LAMB3: variants seen among roughly 807,000 people sequenced by gnomAD.
The protein encoded by LAMB3 is laminin subunit beta 3.
In LAMB3, 104 loss-of-function variants were observed where a neutral mutation model predicts 140.3. That is an observed-to-expected ratio of 0.74 (90% confidence interval 0.63 to 0.87). The LOEUF (loss-of-function observed/expected upper bound fraction) is 0.87, where lower values mean the gene tolerates loss of function less well. Among genes scored for constraint, LAMB3 ranks in the 40% least tolerant of loss-of-function variants. The pLI, the probability that LAMB3 is intolerant of heterozygous loss-of-function variation, is 0.00. For missense variants in LAMB3, 1,531 were observed against 1,575.2 expected, an observed-to-expected ratio of 0.97 and a Z score of 0.47; for synonymous variants, 592 against 602.9, an observed-to-expected ratio of 0.98 and a Z score of 0.26.
chr1:209,621,520 G>C (rs1347153413), intron 18 of LAMB3, among the ~76,000 whole-genome samples: 2 of 152,238 alleles, frequency 1.3e-5, no homozygotes, highest in East Asian at 3.9e-4. Context: ...GTATTAACTG[G>C]GCTCCCAGCC....
rs1422291163 is a variant in LAMB3, at chr1:209,623,949, C to G, written c.2028G>C (p.Leu676Phe). The G allele has an allele frequency of 6.2e-7, 1 of 1,614,048 alleles. No individual in the cohort carries two copies. The highest frequency in any genetic ancestry group is 8.5e-7 in the Non-Finnish European group (1 of 1,180,044). ...QLDLPLEEET[L>F]SLPRDLESLD... ...GACTCTCCAGGTCTCTCGGAAGGGA[C>G]AACGTCTCCTCCTCCAGGGGCAGAT... Residue 676 changes from leucine to phenylalanine, a missense_variant, in exon 15 of 23, where the codon TTG becomes TTC. By Grantham distance (22) the Leu-to-Phe change is conservative. Transcript: ENST00000356082. This position sits in a 1 kb window ranked among gnomAD's most constrained non-coding sequence, Gnocchi z 4.2.
At position 209,618,062 on chromosome 1, in the gene LAMB3, G is replaced by A. The variant is rs1666045636; in HGVS notation, c.2910-14C>T. 6.2e-7 allele frequency: 1 copy of A among 1,614,124 alleles called. No homozygotes were observed. The highest frequency in any genetic ancestry group is 1.3e-5 in the African/African-American group (1 of 75,040). On this transcript the variant is annotated splice_polypyrimidine_tract_variant and intron_variant, in intron 19 of 22. Coordinates refer to ENST00000356082, the MANE Select transcript of LAMB3 (RefSeq NM_000228.3). ...TGGGCTCGGCTCCTGGGTGAGAGAA[G>A]CAGCAGGGAGAGGAGAGAGAGAATG... is the stretch of plus-strand genomic sequence containing the variant.
intron 22 of LAMB3, 125 bp from the exon 23 acceptor site, chr1:209,615,532 C>G (rs2102402120): frequency 1.7e-6 from 2 of 1,193,250 alleles, no homozygotes; most frequent in Middle Eastern, 3.0e-4. Flanking sequence ...CCAGAAAAAT[C>G]TGGCCTCTAA....
intron 5 of LAMB3, among the ~76,000 whole-genome samples, chr1:209,635,232 C>T (rs1347496588): frequency 3.9e-5 from 6 of 152,144 alleles, no homozygotes; most frequent in African/African-American, 9.7e-5. Context: ...CCTGGAACTG[C>T]AGGTCTATAA....
Position 209,623,344 on chromosome 1 carries a change from A to C in LAMB3, c.2358+161T>G. 2 of 1,016,378 alleles carry C rather than the reference A, an allele frequency of 2.0e-6. No homozygotes were observed. Among genetic ancestry groups the C allele is most frequent in the South Asian group, 1.3e-5 (1 of 74,150 alleles). The allele number at this position is 1,016,378 out of a possible 1,614,324, so 63.0% of individuals were successfully genotyped here. A position where few individuals can be genotyped will look rare whatever the true frequency, so the allele number is the denominator to read the frequency against. On this transcript the variant is annotated intron_variant, in intron 16 of 22. Transcript: ENST00000356082. The surrounding 1 kb of genome is among the most constrained non-coding windows in gnomAD (Gnocchi z 4.2). ...AGGACCAGAAACTGGTTTCCTTGGCAACCACTGAGCTCACAGTGAGCAGTA... is the reference window on the plus strand; with the variant it reads ...AGGACCAGAAACTGGTTTCCTTGGCCACCACTGAGCTCACAGTGAGCAGTA...
Position 209,622,435 on chromosome 1 carries a change from C to T in LAMB3, c.2701+101G>A, listed in dbSNP as rs532308887. Reference sequence around the variant, plus strand: ...GAAGTGGAGGCCTGGATGTTGCAGGCCTGGGACTAGGGAGGGAGGGCTGGC... The same window carrying T: ...GAAGTGGAGGCCTGGATGTTGCAGGTCTGGGACTAGGGAGGGAGGGCTGGC... On this transcript the variant is annotated intron_variant, in intron 18 of 22. Transcript: ENST00000356082. 3.2e-5 allele frequency: 46 copies of T among 1,419,340 alleles called. No individual in the cohort carries two copies. In the East Asian group the frequency reaches 9.6e-4, roughly 30 times the overall value. The allele number at this position is 1,419,340 out of a possible 1,614,324, so 87.9% of individuals were successfully genotyped here.
Position 209,618,479 on chromosome 1 carries a change from C to T in LAMB3, c.2882G>A (p.Arg961Gln), listed in dbSNP as rs533449267. 1.4e-5 allele frequency: 23 copies of T among 1,614,164 alleles called. No homozygotes were observed. The highest frequency in any genetic ancestry group is 6.6e-5 in the South Asian group (6 of 91,082). The change falls in exon 19 of 23, where the codon CGG becomes CAG. Residue 961 changes from arginine (R) to glutamine (Q), a missense_variant. Physicochemically the swap from Arg to Gln is conservative, Grantham distance 43 (BLOSUM62 1). Transcript: ENST00000356082. Reference protein sequence around the residue: ...QTKQDIARARRLQAEAEEARS... With the variant: ...QTKQDIARARQLQAEAEEARS... ...GGCTTCCTCAGCCTCAGCCTGCAAC[C>T]GGCGGGCACGCGCAATGTCCTGCTT...
At chr1:209,630,943 G>T (rs1052799628) in intron 8 of LAMB3, among the ~76,000 whole-genome samples, 2 of 152,230 alleles carry the variant, frequency 1.3e-5, no homozygotes, top group African/African-American at 2.4e-5. Flanking sequence ...GCATGTGTGT[G>T]TGTGCACGTG....
In LAMB3 at chr1:209,616,582, G is replaced by C; in HGVS notation, c.3271C>G (p.Arg1091Gly). 5 of 1,614,104 alleles carry C rather than the reference G, an allele frequency of 3.1e-6. No individual in the cohort carries two copies. The highest frequency in any genetic ancestry group is 4.2e-6 in the Non-Finnish European group (5 of 1,179,986). ...IKQKYAELKD[R>G]LGQSSMLGEQ... ...CCCAGCATGGAACTCTGACCCAACC[G>C]GTCCTTCAACTCAGCATACTTTTGT... Residue 1091 changes from arginine to glycine, a missense_variant, in exon 22 of 23, where the codon CGG (arginine) becomes GGG (glycine). Physicochemically the swap from Arg to Gly is moderately radical, Grantham distance 125. Coordinates refer to ENST00000356082, the MANE Select transcript of LAMB3 (RefSeq NM_000228.3).
chr1:209,650,888 G>C, intron 2 of LAMB3, 29 bp downstream of exon 2: 1 of 1,611,852 alleles, frequency 6.2e-7, no homozygotes, highest in Admixed American at 1.7e-5. Flanking sequence ...CATATAACAG[G>C]GCCTGGAAGG....
chr1:209,632,814 A>C (rs920940531), intron 7 of LAMB3, 38 bp from the exon 8 acceptor site: 14 of 1,594,436 alleles, frequency 8.8e-6, no homozygotes, highest in Non-Finnish European at 1.1e-5. Flanking sequence ...AGAGTTGGAG[A>C]ATGGAAAATA....
intron 3 of LAMB3, among the ~76,000 whole-genome samples, chr1:209,641,959 G>A (rs921578292): frequency 1.1e-4 from 16 of 152,222 alleles, no homozygotes; most frequent in African/African-American, 3.4e-4. Flanking sequence ...CCTTCCGGCC[G>A]CCTGTCACCA....
At chr1:209,622,785 G>A in intron 17 of LAMB3, 105 bp from the exon 18 acceptor site, 2 of 1,509,008 alleles carry the variant, frequency 1.3e-6, no homozygotes, top group East Asian at 2.3e-5. Flanking sequence ...TACCTAGGAA[G>A]CATTTGTAAC....
chr1:209,633,969 G>A (rs1336161568), intron 6 of LAMB3, among the ~76,000 whole-genome samples: 2 of 152,196 alleles, frequency 1.3e-5, no homozygotes, highest in South Asian at 2.1e-4. Flanking sequence ...AGGAGAATTC[G>A]GGCTCTGGGT....
chr1:209,644,027 T>C (rs2076494203), intron 3 of LAMB3, among the ~76,000 whole-genome samples: 2 of 152,178 alleles, frequency 1.3e-5, no homozygotes, highest in Admixed American at 1.3e-4. Flanking sequence ...ATTCCCCAGA[T>C]GCTATCCTGG....
At chr1:209,635,385 G>GTTTT (rs1483313603) in intron 5 of LAMB3, among the ~76,000 whole-genome samples, 1 of 148,340 alleles carries the variant, frequency 6.7e-6, no homozygotes, top group African/African-American at 2.6e-5. Flanking sequence ...CATATCTTCT[G>GTTTT]TTTTTTGTTT....
At chr1:209,625,576 G>C in intron 14 of LAMB3, 72 bp downstream of exon 14, 2 of 1,568,324 alleles carry the variant, frequency 1.3e-6, no homozygotes, top group Non-Finnish European at 1.8e-6. Context: ...ATGTAAGGAA[G>C]GACCAGCATG....
rs780982351 is a variant in LAMB3, at chr1:209,618,020, C to A, written c.2938G>T (p.Val980Leu). 6 of 1,614,190 alleles carry A rather than the reference C, an allele frequency of 3.7e-6. No homozygotes were observed. The South Asian group carries it at 6.6e-5, about 18-fold the overall frequency. ...CGCAGGTTCCCAACCACATCTTCCACCTGGCCCTCCACTGCATGGGCTCGG... is the reference window on the plus strand; with the variant it reads ...CGCAGGTTCCCAACCACATCTTCCAACTGGCCCTCCACTGCATGGGCTCGG... ...RSRAHAVEGQ[V>L]EDVVGNLRQG... Residue 980 changes from valine (V) to leucine (L), a missense_variant, in exon 20 of 23, where the codon GTG becomes TTG. Val to Leu is a conservative substitution (Grantham distance 32). Coordinates refer to ENST00000356082, the MANE Select transcript of LAMB3 (RefSeq NM_000228.3).
At chr1:209,618,194 G>T in intron 19 of LAMB3, 146 bp from the exon 20 acceptor site, 1 of 1,080,486 alleles carries the variant, frequency 9.3e-7, no homozygotes, top group Non-Finnish European at 1.4e-6. Context: ...TAGCTTTGAT[G>T]TCCCAGGACC....
Sources: allele counts gnomAD v4.1 joint callset (sites outside exome capture counted in the v4.1 genomes callset), GRCh38; gene constraint gnomAD v4.1.1; non-coding constraint Gnocchi (gnomAD v3.1); transcripts MANE v1.5; gene names NCBI Gene and HGNC (gene_info 2026-07-23, HGNC 2026-07-21).